VPS35: variants seen among roughly 807,000 people sequenced by gnomAD.
VPS35 encodes the protein VPS35 retromer complex component, also known as vacuolar protein sorting-associated protein 35.
In VPS35, 21 loss-of-function variants were observed where a neutral mutation model predicts 98.1. That is an observed-to-expected ratio of 0.21 (90% confidence interval 0.15 to 0.31). VPS35 has a LOEUF of 0.31. Among genes scored for constraint, VPS35 ranks in the 10% least tolerant of loss-of-function variants. The pLI is 1.00. For missense variants in VPS35, 554 were observed against 950.8 expected, an observed-to-expected ratio of 0.58 and a Z score of 5.49; for synonymous variants, 268 against 318.2, an observed-to-expected ratio of 0.84 and a Z score of 1.68.
rs145628294 is a variant in VPS35, at chr16:46,659,367, T to C, written c.*1105A>G. ...ATTCCTGATCCAGAGACCTGTGAGA[T>C]AAATGTTTGCTGTTTTAAGACAGTA... On this transcript the variant is annotated 3_prime_UTR_variant, in exon 17 of 17. Transcript: ENST00000299138. 2 of 152,458 alleles carry C rather than the reference T, an allele frequency of 1.3e-5. No individual in the cohort carries two copies. The highest frequency in any genetic ancestry group is 3.9e-4 in the East Asian group (2 of 5,188). 9.4% of individuals were successfully genotyped at this position (152,458 alleles called of 1,614,324 possible).
intron 2 of VPS35, 175 bp downstream of exon 2, chr16:46,683,333 A>G: frequency 9.1e-6 from 6 of 656,076 alleles, no homozygotes; most frequent in Non-Finnish European, 8.2e-6. Flanking sequence ...GTGAGTAAAC[A>G]GGGCTCTTTG....
At position 46,681,455 on chromosome 16, in the gene VPS35, G is replaced by T; in HGVS notation, c.245C>A (p.Thr82Lys). The change falls in exon 4 of 17, where the codon ACA (threonine) becomes AAA (lysine). Residue 82 changes from threonine (T) to lysine (K), a missense_variant. Physicochemically the swap from Thr to Lys is moderately conservative, Grantham distance 78 (BLOSUM62 -1). Coordinates refer to ENST00000299138, the MANE Select transcript of VPS35 (RefSeq NM_018206.6). ...TTTCCTTCCTTTAGCAAACTCATCT[G>T]TCAGGTAGACCTCCAAGTAGTGCAG... is the stretch of plus-strand genomic sequence containing the variant. ...DELHYLEVYL[T>K]DEFAKGRKVA... 1 of 1,613,494 alleles carries T rather than the reference G, an allele frequency of 6.2e-7. No homozygotes were observed. Among genetic ancestry groups the T allele is most frequent in the Non-Finnish European group, 8.5e-7 (1 of 1,179,698 alleles).
chr16:46,678,028 T>C (rs1461315772), intron 6 of VPS35, among the ~76,000 whole-genome samples: 2 of 152,198 alleles, frequency 1.3e-5, no homozygotes, highest in Admixed American at 1.3e-4. Flanking sequence ...GCTGAAAAGG[T>C]TGCCTTTGTA....
chr16:46,666,940 TA>T (rs1350276531), intron 13 of VPS35, among the ~76,000 whole-genome samples: 4 of 152,250 alleles, frequency 2.6e-5, no homozygotes, highest in Admixed American at 2.6e-4. Context: ...GGAGTGCAGA[TA>T]TCTCTTTGAG....
rs771405301 is a variant in VPS35, at chr16:46,668,936, A to G, written c.1641T>C (p.Ser547=). 2.5e-6 allele frequency: 4 copies of G among 1,614,190 alleles called. No homozygotes were observed. The South Asian group carries it at 4.4e-5, about 18-fold the overall frequency. Residue 547 remains serine, a synonymous_variant, in exon 13 of 17, where the codon TCT becomes TCC. Transcript: ENST00000299138. ...TACTTAAAAGTAAACTCACCACTTT[A>G]GAATTCTCTTTATATCGAAAAGCCA... is the stretch of plus-strand genomic sequence containing the variant. ...YQLAFRYKEN[S]KVDDKWEKKC...
chr16:46,670,843 A>ATAATG (rs1966057607), intron 12 of VPS35, among the ~76,000 whole-genome samples: 2 of 152,206 alleles, frequency 1.3e-5, no homozygotes, highest in Non-Finnish European at 2.9e-5. Flanking sequence ...TGTGTCAACT[A>ATAATG]CAATGAAGAA....
chr16:46,666,624 A>C (rs1437841878), intron 13 of VPS35, among the ~76,000 whole-genome samples: 1 of 152,184 alleles, frequency 6.6e-6, no homozygotes, highest in Non-Finnish European at 1.5e-5. Flanking sequence ...GGATGAATTC[A>C]ACTTAAAAAA....
At chr16:46,670,085 C>T (rs1374960025) in intron 12 of VPS35, among the ~76,000 whole-genome samples, 1 of 151,916 alleles carries the variant, frequency 6.6e-6, no homozygotes, top group African/African-American at 2.4e-5. Flanking sequence ...CAACATATAG[C>T]CAATTCAGAA....
At chr16:46,677,501 A>AC in intron 6 of VPS35, 103 bp from the exon 7 acceptor site, 1 of 984,678 alleles carries the variant, frequency 1.0e-6, no homozygotes, top group Non-Finnish European at 1.6e-6. Context: ...ATCGTATTTG[A>AC]GATTTTTCTC....
chr16:46,676,662 A>G lies in VPS35; in HGVS notation c.835T>C (p.Leu279=). ...GCACAGGCCCGAAGAAAAGGATTCA[A>G]AGTCTGGAGGTGAAATTCATCAGGG... ...VFPDEFHLQT[L]NPFLRACAEL... Residue 279 remains leucine (L), a synonymous_variant, in exon 8 of 17, where the codon TTG becomes CTG. Coordinates refer to ENST00000299138, the MANE Select transcript of VPS35 (RefSeq NM_018206.6). The G allele has an allele frequency of 6.2e-7, 1 of 1,613,454 alleles. No individual in the cohort carries two copies.
intron 13 of VPS35, among the ~76,000 whole-genome samples, chr16:46,664,222 G>A (rs1196849515): frequency 3.3e-5 from 5 of 151,752 alleles, no homozygotes; most frequent in African/African-American, 1.2e-4. Flanking sequence ...TCTTTGGTGC[G>A]ATCTCGGCTC....
chr16:46,672,599 C>G, intron 10 of VPS35, 127 bp from the exon 11 acceptor site: 2 of 755,734 alleles, frequency 2.6e-6, no homozygotes. Context: ...GTGAATCATA[C>G]CACCACAGAA....
rs755079634 is a variant in VPS35, at chr16:46,674,557, C to A, written c.1011+7G>T. The A allele has an allele frequency of 1.2e-6, 2 of 1,609,186 alleles. No individual in the cohort carries two copies. Among genetic ancestry groups the A allele is most frequent in the Admixed American group, 3.4e-5 (2 of 59,494 alleles). Reference sequence around the variant, plus strand: ...TTTTGAGAACTTAGGAGAAATGCTACACAAACCTGTATCACTGTAGCCACC... The same window carrying A: ...TTTTGAGAACTTAGGAGAAATGCTAAACAAACCTGTATCACTGTAGCCACC... On this transcript the variant is annotated splice_region_variant and intron_variant, in intron 9 of 16. Transcript: ENST00000299138.
intron 8 of VPS35, 88 bp from the exon 9 acceptor site, chr16:46,674,748 T>TGG: frequency 1.7e-6 from 2 of 1,194,906 alleles, no homozygotes; most frequent in Admixed American, 4.8e-5. Flanking sequence ...TTTATTGCTT[T>TGG]TCTATATTTT....
At chr16:46,662,721 G>C (rs971529338) in intron 14 of VPS35, among the ~76,000 whole-genome samples, 12 of 152,116 alleles carry the variant, frequency 7.9e-5, no homozygotes, top group African/African-American at 2.9e-4. Context: ...ACTGGATTTT[G>C]GGAATTGAGT....
intron 6 of VPS35, among the ~76,000 whole-genome samples, chr16:46,678,697 C>T (rs1328720926): frequency 2.6e-5 from 4 of 152,152 alleles, no homozygotes; most frequent in African/African-American, 4.8e-5. Context: ...CTACAAAAGT[C>T]TGCTGGGATT....
intron 13 of VPS35, among the ~76,000 whole-genome samples, chr16:46,664,539 G>A (rs937395812): frequency 3.4e-5 from 4 of 119,202 alleles, no homozygotes; most frequent in African/African-American, 1.3e-4. Context: ...TTTTTTTTTT[G>A]AGAAGTAGTT....
chr16:46,663,862 A>ATTTTTGTTTTTTTTTTTT (rs1965949398), intron 13 of VPS35, among the ~76,000 whole-genome samples: 1 of 28,676 alleles, frequency 3.5e-5, no homozygotes, highest in Admixed American at 7.8e-4. Context: ...CACCTGGCTA[A>ATTTTTGTTTTTTTTTTTT]TTTTTTTTTT....
intron 6 of VPS35, among the ~76,000 whole-genome samples, chr16:46,677,976 T>A (rs890485511): frequency 5.9e-5 from 9 of 152,230 alleles, no homozygotes; most frequent in Non-Finnish European, 1.3e-4. Context: ...GGTTCAGGGT[T>A]TTTTGTTTGC....
Sources: allele counts gnomAD v4.1 joint callset (sites outside exome capture counted in the v4.1 genomes callset), GRCh38; gene constraint gnomAD v4.1.1; transcripts MANE v1.5; gene names NCBI Gene and HGNC (gene_info 2026-07-23, HGNC 2026-07-21).